The following CNTN2 variants were observed in gnomAD, a reference collection of about 807,000 sequenced individuals.
The protein encoded by CNTN2 is contactin 2, also known as contactin-2.
Under a neutral mutation model 117.5 loss-of-function variants are expected in CNTN2, and 53 were observed. The observed-to-expected ratio is 0.45, with a 90% CI of 0.36 to 0.57. The LOEUF (loss-of-function observed/expected upper bound fraction) is 0.57. Among genes scored for constraint, CNTN2 ranks in the 20% least tolerant of loss-of-function variants. The pLI, the probability that CNTN2 is intolerant of heterozygous loss-of-function variation, is 0.00. For missense variants in CNTN2, 1,106 were observed against 1,404.3 expected, an observed-to-expected ratio of 0.79 and a Z score of 3.39; for synonymous variants, 530 against 561.7, an observed-to-expected ratio of 0.94 and a Z score of 0.80.
rs765324113 is a variant in CNTN2, at chr1:205,058,523, G to A, written c.392-45G>A. The A allele has an allele frequency of 3.3e-5, 53 of 1,593,310 alleles. No homozygotes were observed. The highest frequency in any genetic ancestry group is 3.8e-4 in the Middle Eastern group (2 of 5,240). ...TGAAGGATGAGTCGGGGAGGGGCTC[G>A]CAGGCCAGGAGGACAGTGCCTGAGC... On this transcript the variant is annotated intron_variant, in intron 4 of 22. Transcript: ENST00000331830. The surrounding 1 kb of genome is among the most constrained non-coding windows in gnomAD (Gnocchi z 4.3).
chr1:205,073,402 C>T lies in CNTN2; in HGVS notation c.3013+166C>T, dbSNP rs1654697127. 1 of 886,118 alleles carries T rather than the reference C, an allele frequency of 1.1e-6. No homozygotes were observed. The highest frequency in any genetic ancestry group is 1.7e-6 in the Non-Finnish European group (1 of 591,862). 54.9% of individuals were successfully genotyped at this position (886,118 alleles called of 1,614,324 possible). A position where few individuals can be genotyped will look rare whatever the true frequency, so the allele number is the denominator to read the frequency against. On this transcript the variant is annotated intron_variant, in intron 22 of 22. Coordinates refer to ENST00000331830, the MANE Select transcript of CNTN2 (RefSeq NM_005076.5). This position sits in a 1 kb window ranked among gnomAD's most constrained non-coding sequence, Gnocchi z 6.3. ...AGTCTTAGAACTGCCTCGCCGCCAC[C>T]TTTCTACCCAGCCCCCAGAACATCC... is the stretch of plus-strand genomic sequence containing the variant.
rs1654738240 is a variant in CNTN2 at position 205,074,024 on chromosome 1, C to A, written c.*259C>A. The A allele has an allele frequency of 1.7e-6, 1 of 588,810 alleles. No homozygotes were observed. The highest frequency in any genetic ancestry group is 3.0e-5 in the Admixed American group (1 of 33,834). 36.5% of individuals were successfully genotyped at this position (588,810 alleles called of 1,614,324 possible). On this transcript the variant is annotated 3_prime_UTR_variant, in exon 23 of 23. Transcript: ENST00000331830. ...TGACACTGACGCCTATACCTGAGCT[C>A]TAGGCTGCCTGGAGGGAAGGAACAG...
intron 1 of CNTN2, among the ~76,000 whole-genome samples, chr1:205,050,401 C>T: frequency 6.6e-6 from 1 of 152,008 alleles, no homozygotes; most frequent in East Asian, 1.9e-4. Context: ...TACAGACTGT[C>T]CCTGACTTAC....
intron 1 of CNTN2, among the ~76,000 whole-genome samples, chr1:205,051,628 C>G (rs1003948186): frequency 1.3e-5 from 2 of 152,252 alleles, no homozygotes; most frequent in Admixed American, 6.5e-5. Context: ...CCCCCCACCC[C>G]CAGCAAAACA....
Position 205,059,126 on chromosome 1 carries a change from T to G in CNTN2, c.530T>G (p.Ile177Ser). Reference protein sequence around the residue: ...RWLLNEFPNFIPTDGRHFVSQ... With the variant: ...RWLLNEFPNFSPTDGRHFVSQ... ...CTCCTCAACGAGTTCCCCAACTTCATCCCGACGGACGGGCGTCACTTCGTG... is the reference window on the plus strand; with the variant it reads ...CTCCTCAACGAGTTCCCCAACTTCAGCCCGACGGACGGGCGTCACTTCGTG... Residue 177 changes from isoleucine (I) to serine (S), a missense_variant, in exon 6 of 23, where the codon ATC becomes AGC. Ile to Ser is a moderately radical substitution (Grantham distance 142). Coordinates refer to ENST00000331830, the MANE Select transcript of CNTN2 (RefSeq NM_005076.5). This position sits in a 1 kb window ranked among gnomAD's most constrained non-coding sequence, Gnocchi z 5.6. The G allele has an allele frequency of 6.2e-7, 1 of 1,614,160 alleles. No individual in the cohort carries two copies. The highest frequency in any genetic ancestry group is 8.5e-7 in the Non-Finnish European group (1 of 1,180,038).
At chr1:205,066,985 A>G in intron 15 of CNTN2, 116 bp from the exon 16 acceptor site, 1 of 1,297,490 alleles carries the variant, frequency 7.7e-7, no homozygotes, top group Non-Finnish European at 1.1e-6. Flanking sequence ...TGCTTAGTAT[A>G]TGGCAAGTAC....
intron 19 of CNTN2, 132 bp downstream of exon 19, chr1:205,070,670 T>G (rs920444950): frequency 4.1e-5 from 28 of 676,554 alleles, no homozygotes; most frequent in Non-Finnish European, 6.9e-5. Flanking sequence ...GAGCATCCAG[T>G]CTGTGTAGCA....
chr1:205,066,493 C>T lies in CNTN2; in HGVS notation c.1869C>T (p.Thr623=). Residue 623 remains threonine (T), a synonymous_variant, in exon 15 of 23, where the codon ACC becomes ACT. Transcript: ENST00000331830. ...TGGTGAGGGACATTGGCGACACCAC[C>T]ATCCAGCTCAGCTGGAGCCGTGGCT... ...GVVVRDIGDT[T]IQLSWSRGFD... The T allele has an allele frequency of 1.2e-6, 2 of 1,614,050 alleles. No individual in the cohort carries two copies. The highest frequency in any genetic ancestry group is 1.7e-6 in the Non-Finnish European group (2 of 1,180,028).
intron 1 of CNTN2, among the ~76,000 whole-genome samples, chr1:205,047,066 G>A (rs557892243): frequency 2.0e-5 from 3 of 152,322 alleles, no homozygotes; most frequent in South Asian, 4.1e-4. Flanking sequence ...CAGAGGGCAC[G>A]TCAGCACCAG....
At position 205,065,935 on chromosome 1, in the gene CNTN2, T is replaced by C. The variant is rs372617120; in HGVS notation, c.1816+26T>C. On this transcript the variant is annotated intron_variant, in intron 14 of 22. Coordinates refer to ENST00000331830, the MANE Select transcript of CNTN2 (RefSeq NM_005076.5). This position sits in a 1 kb window ranked among gnomAD's most constrained non-coding sequence, Gnocchi z 4.1. ...GTGAGGGGTTTCCCACCTCTACCCC[T>C]ACCCCAACTCCCTTAAAACCCAGCT... 14 of 1,589,560 alleles carry C rather than the reference T, an allele frequency of 8.8e-6. No homozygotes were observed. The African/African-American group carries it at 1.9e-4, about 21-fold the overall frequency.
At position 205,065,282 on chromosome 1, in the gene CNTN2, C is replaced by G. The variant is rs761461133; in HGVS notation, c.1695+20C>G. 3.1e-6 allele frequency: 5 copies of G among 1,612,934 alleles called. No homozygotes were observed. In the Admixed American group the frequency reaches 5.0e-5, roughly 16 times the overall value. The stretch of plus-strand genomic sequence containing the variant: ...AATGTGGTGAGACCTAGGGCCAGAG[C>G]CCCATGGCTTCTCCCTCCTTCTAGA... On this transcript the variant is annotated intron_variant, in intron 13 of 22. Coordinates refer to ENST00000331830, the MANE Select transcript of CNTN2 (RefSeq NM_005076.5). The surrounding 1 kb of genome is among the most constrained non-coding windows in gnomAD (Gnocchi z 4.1).
chr1:205,062,395 C>A, intron 9 of CNTN2, 45 bp from the exon 10 acceptor site: 1 of 1,573,602 alleles, frequency 6.4e-7, no homozygotes, highest in South Asian at 1.2e-5. Flanking sequence ...CTCCCTGTGG[C>A]TCCTGTGGTC....
At chr1:205,045,844 G>C (rs147959488) in intron 1 of CNTN2, among the ~76,000 whole-genome samples, 2 of 152,190 alleles carry the variant, frequency 1.3e-5, no homozygotes, top group African/African-American at 4.8e-5. Context: ...TCTAAGGATG[G>C]TGTGGAGAAC....
intron 17 of CNTN2, 63 bp downstream of exon 17, chr1:205,069,624 G>A: frequency 6.4e-7 from 1 of 1,562,192 alleles, no homozygotes; most frequent in Admixed American, 1.7e-5. Flanking sequence ...TTGAGCAGCT[G>A]CAGAAAGGAC....
intron 16 of CNTN2, 108 bp downstream of exon 16, chr1:205,067,358 A>AG: frequency 2.2e-6 from 3 of 1,361,508 alleles, no homozygotes; most frequent in Non-Finnish European, 3.0e-6. Context: ...AACCCTGCTC[A>AG]CAGGGTTCAG....
At chr1:205,051,197 A>G (rs945502141) in intron 1 of CNTN2, among the ~76,000 whole-genome samples, 3 of 152,240 alleles carry the variant, frequency 2.0e-5, no homozygotes, top group African/African-American at 7.2e-5. Flanking sequence ...GGCATAGGTA[A>G]TACCAAGATG....
intron 2 of CNTN2, chr1:205,057,342 C>T (rs1194716040): frequency 6.6e-6 from 1 of 152,324 alleles, no homozygotes; most frequent in Non-Finnish European, 1.5e-5. Context: ...TCCAGGGACA[C>T]ACATCCTCTC....
intron 10 of CNTN2, among the ~76,000 whole-genome samples, 196 bp from the exon 11 acceptor site, chr1:205,064,126 A>AGGGGGGGGGGGGGGG (rs11329962): frequency 1.1e-5 from 1 of 94,370 alleles, no homozygotes; most frequent in Non-Finnish European, 2.5e-5. Flanking sequence ...TGAGGGGCGG[A>AGGGGGGGGGGGGGGG]GGGGGGGCGC....
Position 205,072,058 on chromosome 1 carries a change from G to A in CNTN2, c.2656G>A (p.Val886Met), listed in dbSNP as rs1344155350. 1 of 1,614,018 alleles carries A rather than the reference G, an allele frequency of 6.2e-7. No homozygotes were observed. The highest frequency in any genetic ancestry group is 8.5e-7 in the Non-Finnish European group (1 of 1,180,036). Reference sequence around the variant, plus strand: ...CCTGCATCCCAACACCAAGTACCATGTGACCGTGAGGGCCTACAACCGGGC... The same window carrying A: ...CCTGCATCCCAACACCAAGTACCATATGACCGTGAGGGCCTACAACCGGGC... Reference protein sequence around the residue: ...SGLHPNTKYHVTVRAYNRAGT... With the variant: ...SGLHPNTKYHMTVRAYNRAGT... Residue 886 changes from valine to methionine, a missense_variant, in exon 20 of 23, where the codon GTG becomes ATG. By Grantham distance (21) the Val-to-Met change is conservative (BLOSUM62 1). Transcript: ENST00000331830.
Sources: gnomAD v4.1 joint callset for allele counts (sites outside exome capture counted in the v4.1 genomes callset) on GRCh38, gnomAD v4.1.1 for gene constraint, Gnocchi (gnomAD v3.1) non-coding constraint, MANE v1.5 for transcripts, NCBI Gene and HGNC (gene_info 2026-07-23, HGNC 2026-07-21) for gene names.